EFHC1: variants seen among roughly 807,000 people sequenced by gnomAD.
The protein encoded by EFHC1 is EF-hand domain-containing protein 1.
EFHC1 carries 53 observed loss-of-function variants against 69.9 expected under a neutral mutation model. The ratio of observed to expected loss-of-function variants is 0.76; its 90% CI spans 0.61 to 0.95. The LOEUF (loss-of-function observed/expected upper bound fraction) is 0.95, where lower values mean the gene tolerates loss of function less well. Among genes scored for constraint, EFHC1 ranks in the 40% least tolerant of loss-of-function variants. EFHC1 has a pLI of 0.00. For synonymous variants in EFHC1, 256 were observed against 278.4 expected (o/e 0.92, Z 0.80); for missense variants, 739 against 798.7 (o/e 0.93, Z 0.90).
At chr6:52,477,572 T>C (rs1765570403) in intron 7 of EFHC1, among the ~76,000 whole-genome samples, 1 of 152,044 alleles carries the variant, frequency 6.6e-6, no homozygotes, top group Admixed American at 6.6e-5. Flanking sequence ...CTCAAACAGA[T>C]TTACAAGAAA....
chr6:52,434,016 C>T (rs61444306), intron 2 of EFHC1, among the ~76,000 whole-genome samples: 48,622 of 151,792 alleles, frequency 0.32, 7,992 homozygotes, highest in Admixed American at 0.45. Flanking sequence ...TCCAATCTCA[C>T]TCCCACTGTC....
chr6:52,475,795 A>C (rs1765533578), intron 7 of EFHC1, among the ~76,000 whole-genome samples: 1 of 152,234 alleles, frequency 6.6e-6, no homozygotes, highest in South Asian at 2.1e-4. Context: ...GGTACAGTGG[A>C]GAACAAGATA....
rs145550596 is a variant in EFHC1, at chr6:52,423,803, G to A, written c.64-143G>A. On this transcript the variant is annotated intron_variant, in intron 1 of 10. Coordinates refer to ENST00000371068, the MANE Select transcript of EFHC1 (RefSeq NM_018100.4). ...TTATAGGCACGAGCCACCATGCCCA[G>A]CCTTAATGTTGGTAAGCTTCTTGAT... is the stretch of plus-strand genomic sequence containing the variant. 939 of 1,534,290 alleles carry A rather than the reference G, an allele frequency of 6.1e-4. 6 individuals are homozygous for A. In the African/African-American group the frequency reaches 0.012, roughly 19 times the overall value.
chr6:52,439,189 T>C (rs1764604471), intron 3 of EFHC1, among the ~76,000 whole-genome samples: 1 of 152,158 alleles, frequency 6.6e-6, no homozygotes, highest in South Asian at 2.1e-4. Context: ...ATAGAGGATA[T>C]AGGTGGCCTT....
rs557900672 is a variant in EFHC1, at chr6:52,442,064, T to C, written c.573+3473T>C. On this transcript the variant is annotated intron_variant, in intron 3 of 10. Coordinates refer to ENST00000371068, the MANE Select transcript of EFHC1 (RefSeq NM_018100.4). The stretch of plus-strand genomic sequence containing the variant: ...TCTCCAAACAGGGATAGTTTGACTT[T>C]CTCTCTTCCTACTTGGATGTCCTTC... 2.6e-5 allele frequency among the ~76,000 whole-genome samples: 4 copies of C among 152,266 alleles called. No individual in the cohort carries two copies. The South Asian group carries it at 8.3e-4, about 32-fold the overall frequency.
chr6:52,479,852 A>G, intron 9 of EFHC1, 65 bp downstream of exon 9: 1 of 1,599,384 alleles, frequency 6.3e-7, no homozygotes, highest in Non-Finnish European at 8.5e-7. Context: ...TTGAGAAAAC[A>G]AATGAGTAAT....
At chr6:52,465,244 A>G (rs1765277101) in intron 6 of EFHC1, 129 bp downstream of exon 6, 11 of 803,432 alleles carry the variant, frequency 1.4e-5, no homozygotes, top group Middle Eastern at 3.0e-4. Flanking sequence ...GTAGTTCACA[A>G]AAGAAGAAAT....
At chr6:52,473,163 A>G (rs1185618035) in intron 7 of EFHC1, among the ~76,000 whole-genome samples, 1 of 152,212 alleles carries the variant, frequency 6.6e-6, no homozygotes, top group East Asian at 1.9e-4. Context: ...ACAGTAATTA[A>G]AATAACATGT....
At chr6:52,453,026 A>C in intron 4 of EFHC1, 189 bp downstream of exon 4, 1 of 1,530,586 alleles carries the variant, frequency 6.5e-7, no homozygotes, top group African/African-American at 1.4e-5. Context: ...TACATTTCAT[A>C]TGGAGATCCA....
In EFHC1 at chr6:52,492,413, A is replaced by T. The variant is rs762956304; in HGVS notation, c.*72A>T. 1 of 1,430,358 alleles carries T rather than the reference A, an allele frequency of 7.0e-7. No individual in the cohort carries two copies. Among genetic ancestry groups the T allele is most frequent in the Admixed American group, 1.7e-5 (1 of 58,652 alleles). The allele number at this position is 1,430,358 out of a possible 1,614,324, so 88.6% of individuals were successfully genotyped here. A position where few individuals can be genotyped will look rare whatever the true frequency, so the allele number is the denominator to read the frequency against. On this transcript the variant is annotated 3_prime_UTR_variant, in exon 11 of 11. Coordinates refer to ENST00000371068, the MANE Select transcript of EFHC1 (RefSeq NM_018100.4). ...CTTTGAAATACACCTTACACTCTTC[A>T]TAGAGGCATTTACAGGGTTCCTGAA...
rs1191423866 is a variant in EFHC1 at position 52,446,270 on chromosome 6, ATAGT to A, written c.574-6412_574-6409del. Among the ~76,000 whole-genome samples the A allele has an allele frequency of 5.3e-5, 8 of 152,252 alleles. No homozygotes were observed. The East Asian group carries it at 1.2e-3, about 22-fold the overall frequency. ...TGTATTGGGTGCATATATATTTAGG[ATAGT>A]TAGTTCTTCTTGTTGAATTGATCCC... On this transcript the variant is annotated intron_variant, in intron 3 of 10. Transcript: ENST00000371068.
chr6:52,455,449 TC>T (rs1165018989), intron 5 of EFHC1, among the ~76,000 whole-genome samples: 7 of 152,060 alleles, frequency 4.6e-5, no homozygotes, highest in Non-Finnish European at 7.4e-5. Context: ...AGTCAGGAGA[TC>T]GAGACCATTC....
intron 5 of EFHC1, among the ~76,000 whole-genome samples, chr6:52,459,567 G>A (rs1765115517): frequency 6.6e-6 from 1 of 152,224 alleles, no homozygotes; most frequent in Non-Finnish European, 1.5e-5. Flanking sequence ...ACCAAGTGTT[G>A]ACAAGGATGT....
At chr6:52,427,072 T>G (rs977506856) in intron 2 of EFHC1, among the ~76,000 whole-genome samples, 9 of 152,242 alleles carry the variant, frequency 5.9e-5, no homozygotes, top group Non-Finnish European at 8.8e-5. Context: ...TCTAATCTAT[T>G]AGCAAGTTCT....
intron 2 of EFHC1, among the ~76,000 whole-genome samples, chr6:52,429,601 T>C (rs1372406951): frequency 1.3e-5 from 2 of 152,192 alleles, no homozygotes; most frequent in Non-Finnish European, 2.9e-5. Flanking sequence ...TATGGTCTTA[T>C]AGTATAGTTT....
intron 3 of EFHC1, among the ~76,000 whole-genome samples, chr6:52,440,396 G>A (rs900831773): frequency 3.9e-5 from 6 of 151,910 alleles, no homozygotes; most frequent in African/African-American, 1.4e-4. Flanking sequence ...ACACTAAATA[G>A]CACTTCATCA....
Position 52,479,673 on chromosome 6 carries a change from A to G in EFHC1, c.1526A>G (p.Asp509Gly). Residue 509 changes from aspartate to glycine, a missense_variant, in exon 9 of 11, where the codon GAC becomes GGC. Physicochemically the swap from Asp to Gly is moderately conservative, Grantham distance 94. Transcript: ENST00000371068. ...CACCGGTTCATCATCCTTGATACAG[A>G]CGAGTATGTTTTGAAATACATGGAG... ...FGHRFIILDTDEYVLKYMESN... is the reference protein window; with the variant it reads ...FGHRFIILDTGEYVLKYMESN... 1.2e-6 allele frequency: 2 copies of G among 1,614,146 alleles called. No homozygotes were observed. Among genetic ancestry groups the G allele is most frequent in the Non-Finnish European group, 1.7e-6 (2 of 1,180,038 alleles).
chr6:52,421,129 C>T, intron 1 of EFHC1: 1 of 853,154 alleles, frequency 1.2e-6, no homozygotes, highest in Non-Finnish European at 1.4e-6. Flanking sequence ...CCATCTTCTA[C>T]ATTTTCCACA....
intron 2 of EFHC1, among the ~76,000 whole-genome samples, chr6:52,426,127 T>C (rs1258304839): frequency 1.3e-5 from 2 of 152,222 alleles, no homozygotes. Flanking sequence ...TCCTGTCCTC[T>C]TTCTATAATA....
Sources: gnomAD v4.1 joint callset for allele counts (sites outside exome capture counted in the v4.1 genomes callset) on GRCh38, gnomAD v4.1.1 for gene constraint, MANE v1.5 for transcripts, NCBI Gene and HGNC (gene_info 2026-07-23, HGNC 2026-07-21) for gene names.